The following CMIP variants were observed in gnomAD, a reference collection of about 807,000 sequenced individuals.
CMIP encodes the protein C-Maf-inducing protein.
CMIP carries 13 observed loss-of-function variants against 97.3 expected under a neutral mutation model. The ratio of observed to expected loss-of-function variants is 0.13; its 90% confidence interval spans 0.09 to 0.21. CMIP has a LOEUF of 0.21. CMIP is among the 10% of genes least tolerant of loss of function. The pLI, the probability that CMIP is intolerant of heterozygous loss-of-function variation, is 1.00. For missense variants in CMIP, 847 were observed against 1,024.9 expected, an observed-to-expected ratio of 0.83 and a Z score of 2.37; for synonymous variants, 538 against 436.3, an observed-to-expected ratio of 1.23 and a Z score of -2.91.
intron 3 of CMIP, among the ~76,000 whole-genome samples, chr16:81,646,796 T>C (rs1425320027): frequency 1.3e-5 from 2 of 152,268 alleles, no homozygotes; most frequent in Non-Finnish European, 2.9e-5. Context: ...TCTTGTAGCA[T>C]GTGGGTAATT....
At chr16:81,501,419 G>A (rs998952972) in intron 1 of CMIP, among the ~76,000 whole-genome samples, 56 of 152,270 alleles carry the variant, frequency 3.7e-4, no homozygotes, top group African/African-American at 1.3e-3. Flanking sequence ...GCCACGCATT[G>A]TATCGGGCTC....
chr16:81,630,416 A>G (rs895030044), intron 3 of CMIP: 4 of 152,310 alleles, frequency 2.6e-5, no homozygotes, highest in African/African-American at 7.2e-5. Flanking sequence ...AGCTCTTCTC[A>G]ACATAGCCCC....
chr16:81,548,509 A>G (rs2090592500), intron 1 of CMIP, among the ~76,000 whole-genome samples: 2 of 151,968 alleles, frequency 1.3e-5, no homozygotes, highest in Non-Finnish European at 2.9e-5. Context: ...CACTCACTAG[A>G]TGCCCACAGC....
chr16:81,494,890 C>T (rs1423588837), intron 1 of CMIP, among the ~76,000 whole-genome samples: 4 of 152,188 alleles, frequency 2.6e-5, no homozygotes, highest in East Asian at 1.9e-4. Flanking sequence ...CTCATTCAGC[C>T]TGCCAAGGAA....
At chr16:81,449,675 C>CT (rs1467995083) in intron 1 of CMIP, among the ~76,000 whole-genome samples, 3 of 151,798 alleles carry the variant, frequency 2.0e-5, no homozygotes, top group African/African-American at 7.3e-5. Flanking sequence ...GATTTCCCCC[C>CT]CCCCCTTTCC....
In CMIP at chr16:81,639,325, GGTTCATTCACGTTGCCGTGCTGCT is replaced by G. The variant is rs1320367114; in HGVS notation, c.478-12875_478-12852del. On this transcript the variant is annotated intron_variant, in intron 3 of 20. Coordinates refer to ENST00000537098, the MANE Select transcript of CMIP (RefSeq NM_198390.3). ...AACCAGGTTTAGGTGGCAGTTCAGTGGTTCATTCACGTTGCCGTGCTGCTGTCACCACCATCCGTCTCCAGAACT... is the reference window on the plus strand; with the variant it reads ...AACCAGGTTTAGGTGGCAGTTCAGTGGTCACCACCATCCGTCTCCAGAACT... 9.2e-5 allele frequency among the ~76,000 whole-genome samples: 14 copies of G among 152,350 alleles called. No homozygotes were observed. In the South Asian group the frequency reaches 2.9e-3, roughly 32 times the overall value.
chr16:81,511,396 T>G (rs1422037413), intron 1 of CMIP, among the ~76,000 whole-genome samples: 1 of 152,248 alleles, frequency 6.6e-6, no homozygotes, highest in Admixed American at 6.5e-5. Context: ...CCGGACGTGG[T>G]CTACACCCTG....
intron 1 of CMIP, among the ~76,000 whole-genome samples, chr16:81,577,642 C>T (rs920429201): frequency 6.8e-6 from 1 of 148,106 alleles, no homozygotes; most frequent in Admixed American, 6.7e-5. Context: ...CCACCATCAT[C>T]ACCATCACCT....
intron 10 of CMIP, among the ~76,000 whole-genome samples, chr16:81,680,092 T>C (rs1055000158): frequency 1.3e-5 from 2 of 152,142 alleles, no homozygotes; most frequent in Non-Finnish European, 2.9e-5. Context: ...GGCTGTGTTG[T>C]CATATTTAAC....
At chr16:81,494,630 C>T (rs115810156) in intron 1 of CMIP, among the ~76,000 whole-genome samples, 4 of 152,112 alleles carry the variant, frequency 2.6e-5, no homozygotes, top group Non-Finnish European at 4.4e-5. Context: ...CCCCCGGGGC[C>T]GCCCCCCGAT....
chr16:81,702,628 A>G lies in CMIP; in HGVS notation c.1903A>G (p.Lys635Glu), dbSNP rs1229423099. 1 of 1,613,502 alleles carries G rather than the reference A, an allele frequency of 6.2e-7. No individual in the cohort carries two copies. The highest frequency in any genetic ancestry group is 1.7e-5 in the Admixed American group (1 of 59,940). ...RQRELKELQR[K>E]GGPTRLTLPS... ...AGCCTGGTTTCTGTTGCAGCAAAGGAAAGGCGGGCCCACCAGGCTAACACT... is the reference window on the plus strand; with the variant it reads ...AGCCTGGTTTCTGTTGCAGCAAAGGGAAGGCGGGCCCACCAGGCTAACACT... Residue 635 changes from lysine (K) to glutamate (E), a missense_variant, in exon 17 of 21, where the codon AAA (lysine) becomes GAA (glutamate). This residue lies in a region of CMIP where 266 missense variants were observed against 384.2 expected (regional missense o/e 0.69). Coordinates refer to ENST00000537098, the MANE Select transcript of CMIP (RefSeq NM_198390.3).
chr16:81,599,386 G>A (rs2091620135), intron 1 of CMIP, among the ~76,000 whole-genome samples: 1 of 152,220 alleles, frequency 6.6e-6, no homozygotes, highest in African/African-American at 2.4e-5. Context: ...TTCCGTTTGT[G>A]AGATTAAAAA....
chr16:81,490,830 C>T (rs2089394034), intron 1 of CMIP, among the ~76,000 whole-genome samples: 1 of 152,060 alleles, frequency 6.6e-6, no homozygotes, highest in Non-Finnish European at 1.5e-5. Context: ...TGCACAGGCC[C>T]CAAGGAGGAC....
intron 11 of CMIP, 59 bp downstream of exon 11, chr16:81,691,899 A>G (rs900152066): frequency 6.9e-7 from 1 of 1,453,786 alleles, no homozygotes; most frequent in African/African-American, 1.4e-5. Context: ...TCAGTTGTCC[A>G]CCAAGGCCTT....
chr16:81,705,919 A>C (rs1274108932), intron 19 of CMIP, among the ~76,000 whole-genome samples: 1 of 152,204 alleles, frequency 6.6e-6, no homozygotes, highest in African/African-American at 2.4e-5. Context: ...GCTGTAGTAC[A>C]TTGCCACTGT....
intron 20 of CMIP, 23 bp from the exon 21 acceptor site, chr16:81,709,723 A>G (rs68116357): frequency 0.34 from 544,085 of 1,611,868 alleles, 92,924 homozygotes; most frequent in African/African-American, 0.44. Context: ...ACACGTGACA[A>G]GGACTCTTAT....
chr16:81,667,795 AGAGAGTGTGTGTGTGTGT>A (rs1296437399), intron 7 of CMIP, among the ~76,000 whole-genome samples: 6 of 68,040 alleles, frequency 8.8e-5, no homozygotes, highest in Admixed American at 1.6e-4. Flanking sequence ...AGAGAGAGAG[AGAGAGTGTGTGTGTGTGT>A]GTGTGTGTGT....
intron 1 of CMIP, among the ~76,000 whole-genome samples, chr16:81,487,932 G>T (rs2089344063): frequency 6.6e-6 from 1 of 152,196 alleles, no homozygotes; most frequent in Non-Finnish European, 1.5e-5. Context: ...GCCTCTTCTT[G>T]CATGGAATGA....
chr16:81,561,116 G>T (rs899266712), intron 1 of CMIP, among the ~76,000 whole-genome samples: 1 of 152,068 alleles, frequency 6.6e-6, no homozygotes, highest in South Asian at 2.1e-4. Context: ...CACCACGCTT[G>T]GCTACTTTTT....
Sources: allele counts gnomAD v4.1 joint callset (sites outside exome capture counted in the v4.1 genomes callset), GRCh38; gene constraint gnomAD v4.1.1; regional missense constraint gnomAD v4.1.1; transcripts MANE v1.5; gene names NCBI Gene and HGNC (gene_info 2026-07-23, HGNC 2026-07-21).